The following SNX8 variants were observed in gnomAD, a reference collection of about 807,000 sequenced individuals.
SNX8 encodes sorting nexin-8.
Under a neutral mutation model 51.6 loss-of-function variants are expected in SNX8, and 25 were observed. That is an observed-to-expected ratio of 0.48 (90% CI 0.35 to 0.68). The LOEUF (loss-of-function observed/expected upper bound fraction) is 0.68. SNX8 is among the 30% of genes least tolerant of loss of function. The pLI, the probability that SNX8 is intolerant of heterozygous loss-of-function variation, is 0.00. For synonymous variants in SNX8, 324 were observed against 277.0 expected, an observed-to-expected ratio of 1.17 and a Z score of -1.68; for missense variants, 695 against 624.0, an observed-to-expected ratio of 1.11 and a Z score of -1.21.
Position 2,257,396 on chromosome 7 carries a change from G to A in SNX8, c.1103C>T (p.Ser368Phe). The A allele has an allele frequency of 6.2e-7, 1 of 1,610,030 alleles. No homozygotes were observed. Among genetic ancestry groups the A allele is most frequent in the Non-Finnish European group, 8.5e-7 (1 of 1,179,600 alleles). Residue 368 changes from serine (S) to phenylalanine (F), a missense_variant, in exon 9 of 11, where the codon TCC becomes TTC. Physicochemically the swap from Ser to Phe is radical, Grantham distance 155. Coordinates refer to ENST00000222990, the MANE Select transcript of SNX8 (RefSeq NM_013321.4). The part of the protein sequence containing the change: ...SATAQNREPE[S>F]VEQLESRIVE... ...AATGCGGGACTCCAGCTGCTCCACG[G>A]ACTCCGGCTCGCGGTTCTGCGCGGT...
At chr7:2,314,280 G>C in intron 1 of SNX8, 48 bp downstream of exon 1, 1 of 1,216,462 alleles carries the variant, frequency 8.2e-7, no homozygotes. Flanking sequence ...GGGGTGGTCG[G>C]GCCGCGCGCC....
intron 1 of SNX8, among the ~76,000 whole-genome samples, chr7:2,338,539 C>A (rs1778870811): frequency 6.6e-6 from 1 of 151,470 alleles, no homozygotes. Context: ...GAGACTGAGG[C>A]ATAAGAATTG....
rs1795648706 is a variant in SNX8 at position 2,271,760 on chromosome 7, A to G, written c.540+90T>C. ...GGCGTCCAAACAAGGGACCAGGAGG[A>G]TAAGAAACCACACCTGAGAGAGGAA... On this transcript the variant is annotated intron_variant, in intron 4 of 10. Transcript: ENST00000222990. 2.1e-6 allele frequency: 3 copies of G among 1,449,696 alleles called. No individual in the cohort carries two copies. The South Asian group carries it at 3.8e-5, about 18-fold the overall frequency. 89.8% of individuals were successfully genotyped at this position (1,449,696 alleles called of 1,614,324 possible). A position where few individuals can be genotyped will look rare whatever the true frequency, so the allele number is the denominator to read the frequency against.
At chr7:2,350,515 A>C (rs1226519581) in intron 1 of SNX8, among the ~76,000 whole-genome samples, 1 of 152,198 alleles carries the variant, frequency 6.6e-6, no homozygotes, top group Non-Finnish European at 1.5e-5. Flanking sequence ...ATTAAAGCTT[A>C]CCCCTGGGCC....
intron 10 of SNX8, 97 bp from the exon 11 acceptor site, chr7:2,255,266 G>A (rs1011867964): frequency 3.6e-5 from 28 of 781,946 alleles, no homozygotes; most frequent in Non-Finnish European, 2.8e-5. Flanking sequence ...GACAGGGAGG[G>A]AGGGGCCCTC....
chr7:2,319,515 C>T (rs912539397), intron 1 of SNX8, among the ~76,000 whole-genome samples: 2 of 149,496 alleles, frequency 1.3e-5, no homozygotes, highest in Non-Finnish European at 3.0e-5. Context: ...ACTAAAAATA[C>T]AAAAATTAGC....
chr7:2,327,414 A>T (rs1169964528), intron 1 of SNX8, among the ~76,000 whole-genome samples: 30 of 77,098 alleles, frequency 3.9e-4, no homozygotes, highest in Non-Finnish European at 7.1e-4. Context: ...TAATTTTTTT[A>T]TTTTTTTTTT....
Position 2,255,028 on chromosome 7 carries a change from G to C in SNX8, c.*28C>G. 1 of 1,430,510 alleles carries C rather than the reference G, an allele frequency of 7.0e-7. No homozygotes were observed. Among genetic ancestry groups the C allele is most frequent in the Non-Finnish European group, 9.6e-7 (1 of 1,037,086 alleles). 88.6% of individuals were successfully genotyped at this position (1,430,510 alleles called of 1,614,324 possible). A position where few individuals can be genotyped will look rare whatever the true frequency, so the allele number is the denominator to read the frequency against. ...TTTGGAAAGAGGTTTTAGTGCGGCC[G>C]CAGGGAGCACCACCTCAGCCTCAGG... On this transcript the variant is annotated 3_prime_UTR_variant, in exon 11 of 11. Coordinates refer to ENST00000222990, the MANE Select transcript of SNX8 (RefSeq NM_013321.4).
chr7:2,254,231 C>T lies in SNX8; in HGVS notation c.*825G>A, dbSNP rs1795118793. 1.3e-5 allele frequency: 2 copies of T among 152,778 alleles called. No homozygotes were observed. Among genetic ancestry groups the T allele is most frequent in the African/African-American group, 4.8e-5 (2 of 41,446 alleles). 9.5% of individuals were successfully genotyped at this position (152,778 alleles called of 1,614,324 possible). ...CTCTAAAGCCTCAGCTGGAATGGAACACGCCCCCCCACGCCCCCACCTGTC... is the reference window on the plus strand; with the variant it reads ...CTCTAAAGCCTCAGCTGGAATGGAATACGCCCCCCCACGCCCCCACCTGTC... On this transcript the variant is annotated 3_prime_UTR_variant, in exon 11 of 11. Coordinates refer to ENST00000222990, the MANE Select transcript of SNX8 (RefSeq NM_013321.4).
chr7:2,280,815 C>CA (rs1194569838), intron 1 of SNX8, among the ~76,000 whole-genome samples: 1 of 131,116 alleles, frequency 7.6e-6, no homozygotes, highest in African/African-American at 2.9e-5. Flanking sequence ...TTTTGAGAGA[C>CA]AGAGTCTCGC....
upstream of SNX8, among the ~76,000 whole-genome samples, chr7:2,316,675 ACT>A (rs1246190187): frequency 6.6e-6 from 1 of 150,856 alleles, no homozygotes; most frequent in African/African-American, 2.5e-5. Flanking sequence ...TCACCCACTC[ACT>A]GAGTCACTGC....
At chr7:2,333,095 T>C (rs181384373) in intron 1 of SNX8, among the ~76,000 whole-genome samples, 91 of 149,716 alleles carry the variant, frequency 6.1e-4, no homozygotes, top group Non-Finnish European at 1.2e-3. Flanking sequence ...TTTAAAAAAA[T>C]AGAGACGGGG....
chr7:2,254,951 C>T lies in SNX8; in HGVS notation c.*105G>A, dbSNP rs1418085389. ...CCTCTGCTCCAGCTGCAGCACGGGG[C>T]GTGGCGGGGAGGGGAGCTGCCGTCC... On this transcript the variant is annotated 3_prime_UTR_variant, in exon 11 of 11. Transcript: ENST00000222990. 1.4e-5 allele frequency: 11 copies of T among 792,108 alleles called. No homozygotes were observed. Among genetic ancestry groups the T allele is most frequent in the African/African-American group, 5.1e-5 (3 of 58,874 alleles). The allele number at this position is 792,108 out of a possible 1,614,324, so 49.1% of individuals were successfully genotyped here.
chr7:2,336,451 G>T (rs531452119), intron 1 of SNX8, among the ~76,000 whole-genome samples: 2 of 152,208 alleles, frequency 1.3e-5, no homozygotes, highest in Non-Finnish European at 2.9e-5. Context: ...GCTCACACCT[G>T]TAATCCTAGC....
In SNX8 at chr7:2,255,120, G is replaced by A. The variant is rs374916680; in HGVS notation, c.1334C>T (p.Ala445Val). The A allele has an allele frequency of 3.2e-5, 51 of 1,578,470 alleles. No individual in the cohort carries two copies. The highest frequency in any genetic ancestry group is 9.3e-5 in the East Asian group (4 of 42,914). ...TGGGGTCAGGGTGCTGTGTGGTCCC[G>A]CAAAGAGGCAGCTGAGCTTGGGCCT... ...DLRPKLSCLF[A>V]GPHSTLTPPC... The change falls in exon 11 of 11, where the codon GCG becomes GTG. Residue 445 changes from alanine to valine, a missense_variant. Coordinates refer to ENST00000222990, the MANE Select transcript of SNX8 (RefSeq NM_013321.4).
At chr7:2,282,722 T>A (rs1259055579) in intron 1 of SNX8, among the ~76,000 whole-genome samples, 2 of 152,020 alleles carry the variant, frequency 1.3e-5, no homozygotes, top group African/African-American at 4.8e-5. Flanking sequence ...CACGCCTGAA[T>A]TCCCAGCACT....
At chr7:2,257,047 C>T (rs765455538) in intron 9 of SNX8, 24 bp from the exon 10 acceptor site, 6 of 1,581,810 alleles carry the variant, frequency 3.8e-6, no homozygotes, top group Admixed American at 1.7e-5. Context: ...AGCCGCCTTT[C>T]GCACCCGGCC....
chr7:2,353,372 C>A (rs1049934211), intron 1 of SNX8, among the ~76,000 whole-genome samples: 4 of 152,086 alleles, frequency 2.6e-5, no homozygotes, highest in Middle Eastern at 3.4e-3. Flanking sequence ...GGCAACAGAG[C>A]GAGACCCTAT....
intron 1 of SNX8, among the ~76,000 whole-genome samples, chr7:2,345,550 C>A (rs2115249063): frequency 6.6e-6 from 1 of 151,772 alleles, no homozygotes; most frequent in African/African-American, 2.4e-5. Context: ...TGCTGGCAGG[C>A]ACCTGTAATC....
Sources: allele counts gnomAD v4.1 joint callset (sites outside exome capture counted in the v4.1 genomes callset), GRCh38; gene constraint gnomAD v4.1.1; transcripts MANE v1.5; gene names NCBI Gene and HGNC (gene_info 2026-07-23, HGNC 2026-07-21).